DCC: variants seen among roughly 807,000 people sequenced by gnomAD.
The protein encoded by DCC is DCC netrin 1 receptor, also known as netrin receptor DCC.
In DCC, 58 loss-of-function variants were observed where a neutral mutation model predicts 172.5. That is an observed-to-expected ratio of 0.34 (90% CI 0.27 to 0.42). The LOEUF (loss-of-function observed/expected upper bound fraction) is 0.42, where lower values mean the gene tolerates loss of function less well. Ranked by LOEUF, DCC falls within the 10% of genes least tolerant of loss-of-function variation. The pLI is 1.00. For synonymous variants in DCC, 709 were observed against 644.5 expected, an observed-to-expected ratio of 1.10 and a Z score of -1.52; for missense variants, 1,740 against 1,791.0, an observed-to-expected ratio of 0.97 and a Z score of 0.51.
intron 7 of DCC, among the ~76,000 whole-genome samples, chr18:53,112,464 G>T (rs78295883): frequency 0.043 from 6,477 of 151,476 alleles, 201 homozygotes; most frequent in Non-Finnish European, 0.066. Flanking sequence ...TATAATAAAT[G>T]GCAGCTTCTG....
At chr18:53,224,859 A>G (rs1283104667) in intron 12 of DCC, among the ~76,000 whole-genome samples, 1 of 152,218 alleles carries the variant, frequency 6.6e-6, no homozygotes, top group African/African-American at 2.4e-5. Context: ...AGGAATGTCA[A>G]TCATGTAGAC....
intron 1 of DCC, among the ~76,000 whole-genome samples, chr18:52,397,188 A>T (rs1986263893): frequency 6.6e-6 from 1 of 151,582 alleles, no homozygotes; most frequent in Non-Finnish European, 1.5e-5. Context: ...AGCATGTAAA[A>T]CAGTGATTTC....
intron 1 of DCC, among the ~76,000 whole-genome samples, chr18:52,344,953 T>A (rs992317069): frequency 3.3e-5 from 5 of 152,222 alleles, no homozygotes; most frequent in African/African-American, 1.2e-4. Context: ...TGAATTATGA[T>A]AGCTCTAATT....
intron 5 of DCC, among the ~76,000 whole-genome samples, chr18:53,026,416 G>T (rs995156071): frequency 6.6e-6 from 1 of 152,086 alleles, no homozygotes; most frequent in Non-Finnish European, 1.5e-5. Context: ...TTACTAGGAA[G>T]CAGTGATTTT....
At chr18:53,164,265 G>T (rs1341058479) in intron 8 of DCC, among the ~76,000 whole-genome samples, 2 of 152,114 alleles carry the variant, frequency 1.3e-5, no homozygotes, top group African/African-American at 4.8e-5. Context: ...TATTTTGAGA[G>T]ATGAGGTTTT....
intron 2 of DCC, among the ~76,000 whole-genome samples, chr18:52,770,472 T>C (rs10469014): frequency 0.11 from 16,623 of 152,280 alleles, 3,036 homozygotes; most frequent in African/African-American, 0.38. Context: ...AATTTCATTA[T>C]TATTTGTTTA....
intron 12 of DCC, among the ~76,000 whole-genome samples, chr18:53,258,575 G>A (rs1341150917): frequency 6.6e-6 from 1 of 152,186 alleles, no homozygotes; most frequent in Non-Finnish European, 1.5e-5. Context: ...TGGTCTGAGA[G>A]ACAGTTTGTT....
chr18:52,642,014 G>GTACA (rs2034902742), intron 1 of DCC, among the ~76,000 whole-genome samples: 1 of 34,504 alleles, frequency 2.9e-5, no homozygotes, highest in African/African-American at 8.6e-5. Flanking sequence ...GTGTGTGTGT[G>GTACA]TATATATATA....
chr18:52,455,455 ACT>A (rs1988429219), intron 1 of DCC, among the ~76,000 whole-genome samples: 1 of 151,982 alleles, frequency 6.6e-6, no homozygotes, highest in South Asian at 2.1e-4. Context: ...ACCAGATCTG[ACT>A]CTGTCACTCA....
intron 9 of DCC, among the ~76,000 whole-genome samples, chr18:53,183,758 C>G (rs899984057): frequency 4.6e-5 from 7 of 151,952 alleles, no homozygotes; most frequent in Non-Finnish European, 1.0e-4. Context: ...CTTCTTTCCT[C>G]CTTCATGAGA....
chr18:53,278,191 A>T (rs1385255160), intron 12 of DCC, among the ~76,000 whole-genome samples: 1 of 151,848 alleles, frequency 6.6e-6, no homozygotes, highest in Non-Finnish European at 1.5e-5. Context: ...CTGAATAATT[A>T]ACCTCATGGT....
intron 1 of DCC, among the ~76,000 whole-genome samples, chr18:52,412,589 G>A (rs540417855): frequency 2.6e-5 from 4 of 152,048 alleles, no homozygotes; most frequent in Non-Finnish European, 5.9e-5. Context: ...ACTGATAACT[G>A]TGATCAGTAT....
intron 3 of DCC, among the ~76,000 whole-genome samples, chr18:52,914,056 CA>C (rs1192169591): frequency 6.6e-6 from 1 of 152,066 alleles, no homozygotes; most frequent in African/African-American, 2.4e-5. Flanking sequence ...GCCAAAATCA[CA>C]AACCCATTGC....
chr18:53,081,515 TAAAAAGAAAAA>T (rs1373748529), intron 7 of DCC, among the ~76,000 whole-genome samples: 4 of 151,082 alleles, frequency 2.6e-5, no homozygotes, highest in African/African-American at 9.7e-5. Flanking sequence ...GTGACAGGAT[TAAAAAGAAAAA>T]AAAAAAGACC....
At chr18:53,157,298 A>G in intron 7 of DCC, 58 bp from the exon 8 acceptor site, 4 of 1,611,114 alleles carry the variant, frequency 2.5e-6, no homozygotes, top group Non-Finnish European at 3.4e-6. Flanking sequence ...CTGCCTTCCT[A>G]CCCAATTCTT....
At chr18:53,103,252 C>T (rs969143081) in intron 7 of DCC, among the ~76,000 whole-genome samples, 5 of 152,004 alleles carry the variant, frequency 3.3e-5, no homozygotes, top group Non-Finnish European at 5.9e-5. Flanking sequence ...GAGACAGAAC[C>T]AGGGTACATA....
chr18:53,353,495 C>G (rs1307958867), intron 15 of DCC, among the ~76,000 whole-genome samples: 1 of 151,552 alleles, frequency 6.6e-6, no homozygotes, highest in Non-Finnish European at 1.5e-5. Context: ...GCTCTTCAGT[C>G]CTTCTTGTTA....
intron 5 of DCC, among the ~76,000 whole-genome samples, chr18:53,033,500 G>A (rs976533290): frequency 6.6e-6 from 1 of 152,228 alleles, no homozygotes; most frequent in Admixed American, 6.6e-5. Flanking sequence ...GTCATCAGAA[G>A]AGAGTGTCCA....
At chr18:52,736,154 A>G (rs1261766823) in intron 1 of DCC, among the ~76,000 whole-genome samples, 2 of 152,042 alleles carry the variant, frequency 1.3e-5, no homozygotes, top group African/African-American at 4.8e-5. Flanking sequence ...GAGCTGTGTC[A>G]CCTTGGTCAG....
Sources: gnomAD v4.1 joint callset for allele counts (sites outside exome capture counted in the v4.1 genomes callset) on GRCh38, gnomAD v4.1.1 for gene constraint, MANE v1.5 for transcripts, NCBI Gene and HGNC (gene_info 2026-07-23, HGNC 2026-07-21) for gene names.